The following VWC2L variants were observed in gnomAD, a reference collection of about 807,000 sequenced individuals.
The protein encoded by VWC2L is von Willebrand factor C domain-containing protein 2-like.
In VWC2L, 10 loss-of-function variants were observed where a neutral mutation model predicts 21.6. The observed-to-expected ratio is 0.46, with a 90% CI of 0.29 to 0.78. The LOEUF is 0.78. Ranked by LOEUF, VWC2L falls within the 30% of genes least tolerant of loss-of-function variation. VWC2L has a pLI of 0.10. For synonymous variants in VWC2L, 96 were observed against 94.3 expected (o/e 1.02, Z -0.10); for missense variants, 209 against 277.1 (o/e 0.75, Z 1.74).
chr2:214,499,057 C>T (rs1688854636), intron 3 of VWC2L, among the ~76,000 whole-genome samples: 1 of 131,114 alleles, frequency 7.6e-6, no homozygotes, highest in Admixed American at 8.7e-5. Context: ...GTCTTGCTGT[C>T]ACCCAGGCTA....
At chr2:214,545,320 A>G (rs550739175) in intron 3 of VWC2L, among the ~76,000 whole-genome samples, 5 of 152,150 alleles carry the variant, frequency 3.3e-5, no homozygotes, top group African/African-American at 1.2e-4. Context: ...GTTCATCTTT[A>G]AGTACTCTTT....
intron 3 of VWC2L, among the ~76,000 whole-genome samples, chr2:214,438,438 T>C (rs1013303805): frequency 6.6e-6 from 1 of 152,026 alleles, no homozygotes; most frequent in Non-Finnish European, 1.5e-5. Flanking sequence ...AAACAAGTCC[T>C]TGAGGCTCTT....
At chr2:214,499,551 T>C (rs1292392118) in intron 3 of VWC2L, among the ~76,000 whole-genome samples, 1 of 151,592 alleles carries the variant, frequency 6.6e-6, no homozygotes, top group Non-Finnish European at 1.5e-5. Flanking sequence ...ATACCTAATG[T>C]AAATGATGAG....
chr2:214,413,451 T>C (rs1045676658), intron 1 of VWC2L, among the ~76,000 whole-genome samples: 3 of 152,140 alleles, frequency 2.0e-5, no homozygotes, highest in Admixed American at 6.5e-5. Context: ...TTATTTCAAA[T>C]TTTCTTTCTC....
At chr2:214,530,333 C>T (rs533655826) in intron 3 of VWC2L, among the ~76,000 whole-genome samples, 1 of 152,150 alleles carries the variant, frequency 6.6e-6, no homozygotes, top group Non-Finnish European at 1.5e-5. Flanking sequence ...ATGCTAGAAG[C>T]AGAGGGGATC....
chr2:214,427,613 A>C (rs1702543559), intron 2 of VWC2L, among the ~76,000 whole-genome samples: 1 of 152,186 alleles, frequency 6.6e-6, no homozygotes, highest in African/African-American at 2.4e-5. Flanking sequence ...CAAAACTCTG[A>C]AAGATGTACA....
intron 2 of VWC2L, among the ~76,000 whole-genome samples, chr2:214,429,571 C>A (rs1702570905): frequency 6.6e-6 from 1 of 151,952 alleles, no homozygotes; most frequent in Non-Finnish European, 1.5e-5. Context: ...TCTTTGATTG[C>A]AAATAAACAG....
chr2:214,563,572 A>G (rs1483095621), intron 3 of VWC2L, among the ~76,000 whole-genome samples: 3 of 107,480 alleles, frequency 2.8e-5, no homozygotes. Context: ...AAAAAAAAAA[A>G]AAAAAAAAAT....
intron 2 of VWC2L, among the ~76,000 whole-genome samples, chr2:214,431,889 G>C (rs183365121): frequency 6.6e-6 from 1 of 152,248 alleles, no homozygotes. Context: ...TCTACTGCTA[G>C]ATAACCTAGT....
intron 3 of VWC2L, among the ~76,000 whole-genome samples, chr2:214,442,987 C>T (rs181495240): frequency 6.6e-6 from 1 of 152,112 alleles, no homozygotes; most frequent in Admixed American, 6.6e-5. Context: ...ATTTCTGCAA[C>T]AAAATATGTA....
chr2:214,426,171 C>CAAAA (rs34411661), intron 2 of VWC2L, among the ~76,000 whole-genome samples: 16 of 69,950 alleles, frequency 2.3e-4, no homozygotes, highest in East Asian at 1.2e-3. Context: ...GGCTTCGTCT[C>CAAAA]AAAAAAAAAA....
At chr2:214,573,417 G>A (rs985866677) in intron 3 of VWC2L, among the ~76,000 whole-genome samples, 25 of 152,144 alleles carry the variant, frequency 1.6e-4, no homozygotes, top group African/African-American at 6.0e-4. Flanking sequence ...ATGTGGAAAA[G>A]TTAAAAGTAT....
intron 3 of VWC2L, among the ~76,000 whole-genome samples, chr2:214,496,253 C>G (rs537050058): frequency 3.5e-4 from 33 of 94,662 alleles, no homozygotes; most frequent in African/African-American, 1.1e-3. Context: ...TCTTATGGGA[C>G]AACTCTCATA....
At chr2:214,487,887 G>A (rs566772947) in intron 3 of VWC2L, among the ~76,000 whole-genome samples, 4 of 152,220 alleles carry the variant, frequency 2.6e-5, no homozygotes, top group African/African-American at 4.8e-5. Flanking sequence ...GAAGAAACAC[G>A]GAAAATATCT....
intron 2 of VWC2L, among the ~76,000 whole-genome samples, chr2:214,427,353 T>C (rs528062781): frequency 1.3e-5 from 2 of 152,318 alleles, no homozygotes; most frequent in South Asian, 2.1e-4. Context: ...ATTTTTCTTT[T>C]GTTAATGAGA....
chr2:214,541,280 A>G (rs1689622502), intron 3 of VWC2L, among the ~76,000 whole-genome samples: 1 of 144,006 alleles, frequency 6.9e-6, no homozygotes, highest in Admixed American at 7.1e-5. Flanking sequence ...GTACCACCCA[A>G]ATGGAAAAAA....
intron 3 of VWC2L, among the ~76,000 whole-genome samples, chr2:214,530,117 C>G (rs963185694): frequency 1.3e-5 from 2 of 152,102 alleles, no homozygotes; most frequent in African/African-American, 4.8e-5. Context: ...TGAAATTACT[C>G]TATACTTACA....
intron 3 of VWC2L, among the ~76,000 whole-genome samples, chr2:214,511,609 G>A (rs1689054201): frequency 6.6e-6 from 1 of 152,098 alleles, no homozygotes; most frequent in Admixed American, 6.5e-5. Flanking sequence ...CCATCACCTT[G>A]ATCTTGAACT....
intron 2 of VWC2L, among the ~76,000 whole-genome samples, chr2:214,425,612 G>A (rs1274788146): frequency 2.0e-5 from 3 of 151,976 alleles, no homozygotes; most frequent in Non-Finnish European, 4.4e-5. Flanking sequence ...ATTATATTAA[G>A]TGAAAACATG....
Sources: gnomAD v4.1 joint callset for allele counts (sites outside exome capture counted in the v4.1 genomes callset) on GRCh38, gnomAD v4.1.1 for gene constraint, MANE v1.5 for transcripts, NCBI Gene and HGNC (gene_info 2026-07-23, HGNC 2026-07-21) for gene names.